Variants in CDH18 observed in about 807,000 individuals in gnomAD.
CDH18 encodes cadherin 18.
CDH18 carries 31 observed loss-of-function variants against 67.9 expected under a neutral mutation model. That is an observed-to-expected ratio of 0.46 (90% CI 0.34 to 0.62). The LOEUF (loss-of-function observed/expected upper bound fraction) is 0.62, where lower values mean the gene tolerates loss of function less well. Ranked by LOEUF, CDH18 falls within the 20% of genes least tolerant of loss-of-function variation. The pLI is 0.01. For synonymous variants in CDH18, 362 were observed against 347.2 expected, an observed-to-expected ratio of 1.04 and a Z score of -0.48; for missense variants, 890 against 975.5, an observed-to-expected ratio of 0.91 and a Z score of 1.17.
At chr5:20,159,259 G>T (rs73050784) in intron 2 of CDH18, among the ~76,000 whole-genome samples, 2 of 152,190 alleles carry the variant, frequency 1.3e-5, no homozygotes, top group East Asian at 3.9e-4. Flanking sequence ...TGACTAAGTC[G>T]GGAGTTTGGA....
chr5:20,034,269 G>A (rs944140950), intron 2 of CDH18, among the ~76,000 whole-genome samples: 9 of 151,920 alleles, frequency 5.9e-5, no homozygotes, highest in South Asian at 4.2e-4. Context: ...TTACTCTTAC[G>A]TAAGCAATTT....
chr5:19,948,534 G>C (rs1284067415), intron 2 of CDH18, among the ~76,000 whole-genome samples: 3 of 152,092 alleles, frequency 2.0e-5, no homozygotes, highest in Non-Finnish European at 4.4e-5. Flanking sequence ...CCTCTGTAAG[G>C]GTTTCTGTTT....
intron 2 of CDH18, among the ~76,000 whole-genome samples, chr5:20,073,980 T>C (rs947531973): frequency 4.6e-5 from 7 of 152,074 alleles, no homozygotes; most frequent in Non-Finnish European, 7.4e-5. Context: ...GTCCTAGTTT[T>C]TGAAATGACC....
Position 19,762,633 on chromosome 5 carries a change from C to T in CDH18, c.229-15397G>A, listed in dbSNP as rs1311254720. 5.9e-5 allele frequency among the ~76,000 whole-genome samples: 9 copies of T among 152,062 alleles called. No individual in the cohort carries two copies. In the South Asian group the frequency reaches 6.2e-4, roughly 11 times the overall value. On this transcript the variant is annotated intron_variant, in intron 3 of 12. Coordinates refer to ENST00000382275, the MANE Select transcript of CDH18 (RefSeq NM_004934.5). The stretch of plus-strand genomic sequence containing the variant: ...GAGAGGATGTGGAGAAATAGGAATG[C>T]TTTTACACTGTCGGTGGGAGTGTAA...
intron 1 of CDH18, among the ~76,000 whole-genome samples, chr5:20,342,564 A>G (rs1379504560): frequency 4.6e-5 from 7 of 152,266 alleles, no homozygotes; most frequent in Middle Eastern, 3.4e-3. Context: ...GAGGAGGTGC[A>G]CTACACTTGA....
In CDH18 at chr5:19,744,166, G is replaced by T. The variant is rs190729925; in HGVS notation, c.523+2776C>A. Among the ~76,000 whole-genome samples, 277 of 151,840 alleles carry T rather than the reference G, an allele frequency of 1.8e-3. 1 individual carries two copies. The highest frequency in any genetic ancestry group is 6.2e-3 in the African/African-American group (256 of 41,414). On this transcript the variant is annotated intron_variant, in intron 4 of 12. Coordinates refer to ENST00000382275, the MANE Select transcript of CDH18 (RefSeq NM_004934.5). ...TATAATTTCCAATATTCAGCTTAAG[G>T]TTTCCCATAAAATAACTCTTTCAAT... is the stretch of plus-strand genomic sequence containing the variant.
intron 1 of CDH18, among the ~76,000 whole-genome samples, chr5:20,412,589 A>C (rs1487947405): frequency 6.6e-6 from 1 of 152,222 alleles, no homozygotes; most frequent in African/African-American, 2.4e-5. Flanking sequence ...ATATTTGATA[A>C]CTATGCATCC....
chr5:20,091,205 G>A (rs1745387992), intron 2 of CDH18, among the ~76,000 whole-genome samples: 1 of 152,138 alleles, frequency 6.6e-6, no homozygotes, highest in Admixed American at 6.5e-5. Context: ...ACATTTTAAG[G>A]CCAGGCACAG....
At chr5:19,799,243 T>C (rs1053572827) in intron 3 of CDH18, among the ~76,000 whole-genome samples, 2 of 152,006 alleles carry the variant, frequency 1.3e-5, no homozygotes, top group Non-Finnish European at 2.9e-5. Flanking sequence ...TGCAATGGGC[T>C]GGGGGAAGGG....
chr5:19,557,579 A>G (rs1277031745), intron 8 of CDH18, among the ~76,000 whole-genome samples: 1 of 152,046 alleles, frequency 6.6e-6, no homozygotes, highest in Non-Finnish European at 1.5e-5. Flanking sequence ...CAACAGAAAA[A>G]AAAATTCACA....
intron 2 of CDH18, among the ~76,000 whole-genome samples, chr5:19,910,266 C>T (rs1790983837): frequency 1.3e-5 from 2 of 151,966 alleles, no homozygotes; most frequent in African/African-American, 4.8e-5. Context: ...AATTAGTCAG[C>T]AACACCACAA....
intron 3 of CDH18, among the ~76,000 whole-genome samples, chr5:19,782,789 T>C (rs1370761718): frequency 2.0e-5 from 3 of 152,206 alleles, no homozygotes; most frequent in Non-Finnish European, 4.4e-5. Flanking sequence ...GCTCATGATG[T>C]AAATGTTTCT....
intron 3 of CDH18, among the ~76,000 whole-genome samples, chr5:19,779,231 A>C (rs907573246): frequency 2.1e-4 from 32 of 152,196 alleles, no homozygotes; most frequent in African/African-American, 7.2e-4. Context: ...TACAATGTGT[A>C]CATCTATAAT....
chr5:19,811,106 G>T (rs868819947), intron 3 of CDH18, among the ~76,000 whole-genome samples: 19 of 69,828 alleles, frequency 2.7e-4, no homozygotes, highest in African/African-American at 1.2e-3. Flanking sequence ...AAGAAAGAAA[G>T]AAAGAAAGAA....
At chr5:20,423,648 C>A (rs1451788048) in intron 1 of CDH18, among the ~76,000 whole-genome samples, 1 of 150,700 alleles carries the variant, frequency 6.6e-6, no homozygotes, top group African/African-American at 2.5e-5. Flanking sequence ...ACGGTAGAAT[C>A]AAAAATTTTC....
At chr5:19,817,751 T>C (rs893085084) in intron 3 of CDH18, among the ~76,000 whole-genome samples, 14 of 152,044 alleles carry the variant, frequency 9.2e-5, no homozygotes, top group African/African-American at 3.1e-4. Flanking sequence ...CCAAGACATG[T>C]ATGATATATT....
intron 2 of CDH18, among the ~76,000 whole-genome samples, chr5:19,884,353 G>T (rs1787969518): frequency 6.6e-6 from 1 of 152,016 alleles, no homozygotes; most frequent in Admixed American, 6.6e-5. Context: ...AATAAAAGGA[G>T]AACTAAACAG....
chr5:19,958,529 C>G (rs966665059), intron 2 of CDH18, among the ~76,000 whole-genome samples: 2 of 151,736 alleles, frequency 1.3e-5, no homozygotes, highest in African/African-American at 4.8e-5. Flanking sequence ...GTGTTTATAC[C>G]CTCAGTACCT....
At chr5:20,371,987 C>G (rs1268735431) in intron 1 of CDH18, among the ~76,000 whole-genome samples, 1 of 152,222 alleles carries the variant, frequency 6.6e-6, no homozygotes, top group African/African-American at 2.4e-5. Context: ...TTCTCATGCT[C>G]TTTCCATGCC....
Sources: gnomAD v4.1 joint callset for allele counts (sites outside exome capture counted in the v4.1 genomes callset) on GRCh38, gnomAD v4.1.1 for gene constraint, MANE v1.5 for transcripts, NCBI Gene and HGNC (gene_info 2026-07-23, HGNC 2026-07-21) for gene names.